DOCK8: variants seen among roughly 807,000 people sequenced by gnomAD.
DOCK8 encodes the protein dedicator of cytokinesis 8, also known as dedicator of cytokinesis protein 8.
In DOCK8, 141 loss-of-function variants were observed where a neutral mutation model predicts 245.6. The observed-to-expected ratio is 0.57, with a 90% CI of 0.50 to 0.66. DOCK8 has a LOEUF of 0.66. DOCK8 is among the 30% of genes least tolerant of loss of function. The pLI is 0.00. For synonymous variants in DOCK8, 1,168 were observed against 970.2 expected (o/e 1.20, Z -3.79); for missense variants, 2,965 against 2,603.4 (o/e 1.14, Z -3.02).
At chr9:364,840 G>T (rs1203941311) in intron 14 of DOCK8, among the ~76,000 whole-genome samples, 1 of 152,126 alleles carries the variant, frequency 6.6e-6, no homozygotes, top group African/African-American at 2.4e-5. Flanking sequence ...TTTCTGTTAA[G>T]ATAATCATAT....
At chr9:283,467 G>C (rs1389069716) in intron 2 of DOCK8, among the ~76,000 whole-genome samples, 1 of 152,052 alleles carries the variant, frequency 6.6e-6, no homozygotes, top group African/African-American at 2.4e-5. Flanking sequence ...CTGCATAGTG[G>C]TAAAGTCTGG....
At chr9:273,122 T>G (rs1265989048) in intron 2 of DOCK8, 1 of 971,824 alleles carries the variant, frequency 1.0e-6, no homozygotes, top group Non-Finnish European at 1.2e-6. Context: ...TGGAGTGATT[T>G]CTGGTTATTT....
intron 28 of DOCK8, among the ~76,000 whole-genome samples, chr9:413,126 T>A (rs2055823206): frequency 6.6e-6 from 1 of 152,208 alleles, no homozygotes; most frequent in South Asian, 2.1e-4. Flanking sequence ...GTCAATTGAT[T>A]TTTGACAAGA....
At chr9:391,733 A>G (rs2054199306) in intron 24 of DOCK8, among the ~76,000 whole-genome samples, 1 of 151,830 alleles carries the variant, frequency 6.6e-6, no homozygotes, top group Non-Finnish European at 1.5e-5. Context: ...ATATGCAAAC[A>G]GTTCAGAGGA....
rs755676032 is a variant in DOCK8, at chr9:215,049, G to A, written c.53+20G>A. 1.3e-6 allele frequency: 2 copies of A among 1,564,584 alleles called. No individual in the cohort carries two copies. The highest frequency in any genetic ancestry group is 1.7e-6 in the Non-Finnish European group (2 of 1,163,526). On this transcript the variant is annotated intron_variant, in intron 1 of 47. Coordinates refer to ENST00000432829, the MANE Select transcript of DOCK8 (RefSeq NM_203447.4). Reference sequence around the variant, plus strand: ...CAACAGGTAAGACGCCCCCCGCGGCGCGCAGGTTGCGGCCGGACAGCCCAG... The same window carrying A: ...CAACAGGTAAGACGCCCCCCGCGGCACGCAGGTTGCGGCCGGACAGCCCAG...
intron 1 of DOCK8, among the ~76,000 whole-genome samples, chr9:267,198 ATTTG>A (rs1164566514): frequency 6.6e-6 from 1 of 152,096 alleles, no homozygotes; most frequent in Non-Finnish European, 1.5e-5. Context: ...TATGTATGCA[ATTTG>A]TTTGTTTTTG....
chr9:451,214 G>A (rs535939077), intron 45 of DOCK8, among the ~76,000 whole-genome samples: 1 of 152,160 alleles, frequency 6.6e-6, no homozygotes, highest in East Asian at 1.9e-4. Flanking sequence ...GGGAGGCTGA[G>A]GCAGGAGAAT....
chr9:401,728 G>C (rs902119188), intron 26 of DOCK8, among the ~76,000 whole-genome samples: 3 of 152,092 alleles, frequency 2.0e-5, no homozygotes, highest in Admixed American at 6.6e-5. Context: ...AACAATCTTT[G>C]ACTTGTTTAC....
intron 14 of DOCK8, 177 bp downstream of exon 14, chr9:340,498 G>C: frequency 1.4e-6 from 1 of 738,970 alleles, no homozygotes; most frequent in East Asian, 3.1e-5. Flanking sequence ...GTGCATGCTT[G>C]TAATCCCAGC....
At chr9:451,132 G>A (rs1236525109) in intron 45 of DOCK8, among the ~76,000 whole-genome samples, 6 of 151,948 alleles carry the variant, frequency 3.9e-5, no homozygotes, top group South Asian at 2.1e-4. Flanking sequence ...GGCCAACATG[G>A]TGAAACCCCA....
chr9:439,035 A>G (rs890772802), intron 39 of DOCK8, among the ~76,000 whole-genome samples: 1 of 152,188 alleles, frequency 6.6e-6, no homozygotes, highest in African/African-American at 2.4e-5. Flanking sequence ...TTAAAAAGAA[A>G]AACGTGAGGT....
At chr9:399,899 A>G (rs1190795591) in intron 26 of DOCK8, among the ~76,000 whole-genome samples, 2 of 151,670 alleles carry the variant, frequency 1.3e-5, no homozygotes, top group South Asian at 2.1e-4. Flanking sequence ...AGCCACTAGT[A>G]CCATCATTAC....
At chr9:350,479 G>A (rs982506770) in intron 14 of DOCK8, among the ~76,000 whole-genome samples, 4 of 152,122 alleles carry the variant, frequency 2.6e-5, no homozygotes, top group Admixed American at 1.3e-4. Flanking sequence ...GCCAATGTAC[G>A]TGCCGTCCAG....
rs564689976 is a variant in DOCK8, at chr9:315,390, G to C, written c.742-1653G>C. ...GAGGAAATTCATATAGCTTAGAAGA[G>C]ACTGAGGAAATATATCACCCAAATG... On this transcript the variant is annotated intron_variant, in intron 6 of 47. Coordinates refer to ENST00000432829, the MANE Select transcript of DOCK8 (RefSeq NM_203447.4). Among the ~76,000 whole-genome samples the C allele has an allele frequency of 2.6e-5, 4 of 152,276 alleles. No homozygotes were observed. The South Asian group carries it at 8.3e-4, about 32-fold the overall frequency.
At chr9:296,661 G>C (rs767919010) in intron 4 of DOCK8, among the ~76,000 whole-genome samples, 4 of 152,192 alleles carry the variant, frequency 2.6e-5, no homozygotes, top group African/African-American at 7.2e-5. Flanking sequence ...CCATAAAAAT[G>C]TTTCCCTGAT....
chr9:218,061 C>G, intron 1 of DOCK8, among the ~76,000 whole-genome samples: 1 of 152,140 alleles, frequency 6.6e-6, no homozygotes, highest in East Asian at 1.9e-4. Flanking sequence ...AATATATAAA[C>G]ATTAACAATG....
intron 1 of DOCK8, among the ~76,000 whole-genome samples, chr9:234,461 G>T (rs551764491): frequency 3.9e-5 from 6 of 152,124 alleles, no homozygotes; most frequent in Admixed American, 1.3e-4. Context: ...TAGAATGGGG[G>T]ACTTCTCCTG....
At chr9:430,283 A>G (rs1461728443) in intron 36 of DOCK8, among the ~76,000 whole-genome samples, 1 of 152,184 alleles carries the variant, frequency 6.6e-6, no homozygotes, top group African/African-American at 2.4e-5. Flanking sequence ...CTGAGGCAGG[A>G]GAATTGCTTG....
In DOCK8 at chr9:365,559, T is replaced by C. The variant is rs961080571; in HGVS notation, c.1680-2459T>C. 2.2e-5 allele frequency: 10 copies of C among 449,190 alleles called. No individual in the cohort carries two copies. The East Asian group carries it at 2.8e-4, about 13-fold the overall frequency. 27.8% of individuals were successfully genotyped at this position (449,190 alleles called of 1,614,324 possible). A position where few individuals can be genotyped will look rare whatever the true frequency, so the allele number is the denominator to read the frequency against. ...AGTCTACTGCTAGTCATAAAACTTA[T>C]CTGTTCAGAGAAGGCTTTTTTTTTT... On this transcript the variant is annotated intron_variant, in intron 14 of 47. Coordinates refer to ENST00000432829, the MANE Select transcript of DOCK8 (RefSeq NM_203447.4).
Sources: allele counts gnomAD v4.1 joint callset (sites outside exome capture counted in the v4.1 genomes callset), GRCh38; gene constraint gnomAD v4.1.1; transcripts MANE v1.5; gene names NCBI Gene and HGNC (gene_info 2026-07-23, HGNC 2026-07-21).